ADAMTSL1: variants seen among roughly 807,000 people sequenced by gnomAD.
ADAMTSL1 encodes the protein ADAMTS like 1, also known as ADAMTS-like protein 1.
A neutral mutation model predicts 201.8 loss-of-function variants in ADAMTSL1; 126 were observed. The ratio of observed to expected loss-of-function variants is 0.62; its 90% confidence interval spans 0.54 to 0.72. The LOEUF is 0.72. Among genes scored for constraint, ADAMTSL1 ranks in the 30% least tolerant of loss-of-function variants. The probability of loss-of-function intolerance (pLI) is 0.00; values close to 1 mark genes in which losing one functional copy is unlikely to be tolerated. For synonymous variants in ADAMTSL1, 1,121 were observed against 903.4 expected (o/e 1.24, Z -4.32); for missense variants, 2,679 against 2,277.8 (o/e 1.18, Z -3.59).
chr9:18,244,112 CGTGT>C (rs5896779), intron 2 of ADAMTSL1, among the ~76,000 whole-genome samples: 6 of 148,272 alleles, frequency 4.0e-5, no homozygotes, highest in Non-Finnish European at 9.0e-5. Flanking sequence ...TGTGTGTGTA[CGTGT>C]GTGTGTGTGT....
intron 1 of ADAMTSL1, among the ~76,000 whole-genome samples, chr9:18,001,126 C>T (rs889691081): frequency 6.6e-6 from 1 of 151,838 alleles, no homozygotes; most frequent in Non-Finnish European, 1.5e-5. Flanking sequence ...CATAATATGT[C>T]AGGCAGTCAC....
At chr9:18,205,105 C>G (rs1273011424) in intron 2 of ADAMTSL1, among the ~76,000 whole-genome samples, 1 of 152,116 alleles carries the variant, frequency 6.6e-6, no homozygotes, top group Non-Finnish European at 1.5e-5. Context: ...CCTATCAAGG[C>G]TCTCTTCCAA....
chr9:18,662,075 T>G lies in ADAMTSL1; in HGVS notation c.1085+2T>G. 6.2e-7 allele frequency: 1 copy of G among 1,611,252 alleles called. No individual in the cohort carries two copies. Among genetic ancestry groups the G allele is most frequent in the Non-Finnish European group, 8.5e-7 (1 of 1,179,258 alleles). ...CAACTTGGATCCTTGTCCAGCCAGGTCAGTCAAATTTGCTAGTTCATTTGT... is the reference window on the plus strand; with the variant it reads ...CAACTTGGATCCTTGTCCAGCCAGGGCAGTCAAATTTGCTAGTTCATTTGT... On this transcript the variant is annotated splice_donor_variant, in intron 9 of 28. Transcript: ENST00000380548. LOFTEE classifies it high-confidence loss of function.
chr9:18,395,372 A>T (rs995900237), intron 2 of ADAMTSL1, among the ~76,000 whole-genome samples: 1 of 152,208 alleles, frequency 6.6e-6, no homozygotes, highest in Non-Finnish European at 1.5e-5. Flanking sequence ...CAAGATGTCG[A>T]TCTAAAGTTT....
chr9:18,540,229 G>A lies in ADAMTSL1; in HGVS notation c.237+6937G>A, dbSNP rs544587192. On this transcript the variant is annotated intron_variant, in intron 3 of 28. Coordinates refer to ENST00000380548, the MANE Select transcript of ADAMTSL1 (RefSeq NM_001040272.6). ...TATAATATTAACAGAGAAAGATAATGCCCCTGTTCTTATGAAGCTTATATT... is the reference window on the plus strand; with the variant it reads ...TATAATATTAACAGAGAAAGATAATACCCCTGTTCTTATGAAGCTTATATT... Among the ~76,000 whole-genome samples the A allele has an allele frequency of 1.9e-4, 29 of 152,274 alleles. No homozygotes were observed. The East Asian group carries it at 4.4e-3, about 23-fold the overall frequency.
At chr9:18,049,142 A>T (rs12353262) in intron 1 of ADAMTSL1, among the ~76,000 whole-genome samples, 58,919 of 152,038 alleles carry the variant, frequency 0.39, 11,912 homozygotes, top group Non-Finnish European at 0.45. Context: ...AAGATTCAGG[A>T]TGATCTCTCT....
rs149841108 is a variant in ADAMTSL1 at position 18,518,834 on chromosome 9, G to C, written c.191+13878G>C. ...AGCGATTCTCCTGCCTCAGCCTCCT[G>C]AGTGCTGGGATTACAGGCATGCGCC... On this transcript the variant is annotated intron_variant, in intron 2 of 28. Transcript: ENST00000380548. Among the ~76,000 whole-genome samples the C allele has an allele frequency of 6.2e-3, 949 of 152,192 alleles. 7 individuals carry two copies. Among genetic ancestry groups the C allele is most frequent in the African/African-American group, 0.022 (901 of 41,518 alleles).
intron 2 of ADAMTSL1, among the ~76,000 whole-genome samples, chr9:18,333,668 C>T (rs769355647): frequency 2.0e-5 from 3 of 151,982 alleles, no homozygotes; most frequent in African/African-American, 7.2e-5. Context: ...TAACTGAGTA[C>T]AATATTTGGT....
At chr9:18,407,014 T>C (rs891886000) in intron 2 of ADAMTSL1, among the ~76,000 whole-genome samples, 2 of 152,246 alleles carry the variant, frequency 1.3e-5, no homozygotes, top group Admixed American at 6.5e-5. Context: ...TTATTGAGTT[T>C]CTATTAGGCA....
intron 4 of ADAMTSL1, among the ~76,000 whole-genome samples, chr9:18,614,988 G>T (rs1232842916): frequency 6.6e-6 from 1 of 151,978 alleles, no homozygotes; most frequent in East Asian, 1.9e-4. Flanking sequence ...ATAGCTAAAA[G>T]ACCTGAGTTT....
chr9:18,128,428 T>C (rs1407587276), intron 1 of ADAMTSL1, among the ~76,000 whole-genome samples: 1 of 152,144 alleles, frequency 6.6e-6, no homozygotes, highest in Non-Finnish European at 1.5e-5. Flanking sequence ...AGTGGTGCAA[T>C]CATGGCTCAC....
intron 9 of ADAMTSL1, among the ~76,000 whole-genome samples, chr9:18,666,950 CTTTTT>C (rs35220169): frequency 1.6e-5 from 2 of 128,934 alleles, no homozygotes; most frequent in Non-Finnish European, 1.7e-5. Flanking sequence ...TGCAGATTTT[CTTTTT>C]TTTTTTTTTT....
intron 1 of ADAMTSL1, among the ~76,000 whole-genome samples, chr9:17,982,856 A>C (rs1818765167): frequency 6.6e-6 from 1 of 151,970 alleles, no homozygotes; most frequent in South Asian, 2.1e-4. Context: ...TATCACCAAG[A>C]TAATGGCAGT....
At chr9:18,892,278 G>T in intron 25 of ADAMTSL1, 111 bp from the exon 26 acceptor site, 1 of 1,040,448 alleles carries the variant, frequency 9.6e-7, no homozygotes, top group South Asian at 1.6e-5. Flanking sequence ...ACTGTAAAAA[G>T]GGCCTTGGCC....
chr9:18,246,483 A>G (rs913533345), intron 2 of ADAMTSL1, among the ~76,000 whole-genome samples: 1 of 152,200 alleles, frequency 6.6e-6, no homozygotes, highest in Non-Finnish European at 1.5e-5. Flanking sequence ...GAAAAGTGGT[A>G]TCTAAGCAAG....
chr9:18,641,595 G>T lies in ADAMTSL1; in HGVS notation c.834+2184G>T, dbSNP rs541394290. Among the ~76,000 whole-genome samples, 425 of 152,018 alleles carry T rather than the reference G, an allele frequency of 2.8e-3. 9 individuals are homozygous for T. The South Asian group carries it at 0.03, about 11-fold the overall frequency. ...CTTCAGTGTTTCTTTAGAAAACACT[G>T]GGAATCAAATAAATGTAAAGTTATT... On this transcript the variant is annotated intron_variant, in intron 7 of 28. Transcript: ENST00000380548.
intron 2 of ADAMTSL1, among the ~76,000 whole-genome samples, chr9:18,258,362 A>G (rs556975303): frequency 3.9e-5 from 6 of 152,350 alleles, no homozygotes; most frequent in African/African-American, 1.2e-4. Flanking sequence ...AAAGAAAAAG[A>G]GTTGGAGATG....
rs114568716 is a variant in ADAMTSL1 at position 18,047,813 on chromosome 9, C to G, written c.88-116049C>G. On this transcript the variant is annotated intron_variant, in intron 1 of 29. Coordinates refer to the ADAMTSL1 transcript ENST00000680146. ...ACTGAGAGAAGTATTTCGCCAATTA[C>G]TTGGTCTGGGGAAAAAGATGAGTTC... is the stretch of plus-strand genomic sequence containing the variant. 4.7e-3 allele frequency among the ~76,000 whole-genome samples: 717 copies of G among 152,268 alleles called. 5 individuals are homozygous for G. The highest frequency in any genetic ancestry group is 0.016 in the African/African-American group (685 of 41,554).
chr9:18,724,943 G>A lies in ADAMTSL1; in HGVS notation c.2006+3278G>A, dbSNP rs563138354. The stretch of plus-strand genomic sequence containing the variant: ...TTCTTTTGAGACAGAGTCTCGCTCT[G>A]TTGCCCAGGCTGTAGTGCAGTGGTG... On this transcript the variant is annotated intron_variant, in intron 15 of 28. Transcript: ENST00000380548. Among the ~76,000 whole-genome samples, 27 of 149,906 alleles carry A rather than the reference G, an allele frequency of 1.8e-4. No individual in the cohort carries two copies. The East Asian group carries it at 2.6e-3, about 14-fold the overall frequency.
Sources: allele counts gnomAD v4.1 joint callset (sites outside exome capture counted in the v4.1 genomes callset), GRCh38; gene constraint gnomAD v4.1.1; transcripts MANE v1.5; gene names NCBI Gene and HGNC (gene_info 2026-07-23, HGNC 2026-07-21).